The following NAV2 variants were observed in gnomAD, a reference collection of about 807,000 sequenced individuals.
NAV2 encodes helicase, APC down-regulated 1.
Under a neutral mutation model 223.2 loss-of-function variants are expected in NAV2, and 54 were observed. That is an observed-to-expected ratio of 0.24 (90% CI 0.19 to 0.30). The LOEUF is 0.30. Ranked by LOEUF, NAV2 falls within the 10% of genes least tolerant of loss-of-function variation. The pLI is 1.00. For missense variants in NAV2, 2,806 were observed against 3,147.5 expected (o/e 0.89, Z 2.60); for synonymous variants, 1,279 against 1,239.3 (o/e 1.03, Z -0.67).
intron 1 of NAV2, among the ~76,000 whole-genome samples, chr11:19,614,496 C>T (rs1454539151): frequency 1.3e-5 from 2 of 152,068 alleles, no homozygotes; most frequent in African/African-American, 4.8e-5. Context: ...CCATGTAGCC[C>T]CTGGCCCTGC....
In NAV2 at chr11:19,533,371, G is replaced by A. The variant is rs562084117; in HGVS notation, c.75+182344G>A. On this transcript the variant is annotated intron_variant, in intron 1 of 37. Coordinates refer to the NAV2 transcript ENST00000360655. ...ATGACCAAAAATATCTGCAGTCATT[G>A]TGAAATGTTCTTGGGGTCAAAATTA... Among the ~76,000 whole-genome samples the A allele has an allele frequency of 2.0e-5, 3 of 151,966 alleles. No individual in the cohort carries two copies. The East Asian group carries it at 5.8e-4, about 29-fold the overall frequency.
intron 1 of NAV2, among the ~76,000 whole-genome samples, chr11:19,732,119 G>GGCGCGCACTTGTAGTCAGGGA (rs2051833692): frequency 6.6e-6 from 1 of 152,054 alleles, no homozygotes; most frequent in Non-Finnish European, 1.5e-5. Flanking sequence ...CAGGCATGGT[G>GGCGCGCACTTGTAGTCAGGGA]GCGCGCACTT....
At chr11:19,397,421 G>A (rs573302083) in intron 1 of NAV2, among the ~76,000 whole-genome samples, 58 of 148,182 alleles carry the variant, frequency 3.9e-4, no homozygotes, top group Admixed American at 1.3e-3. Context: ...GTGTGTGTGC[G>A]CGCATGTGTG....
At chr11:19,862,427 C>T (rs2061844003) in intron 3 of NAV2, among the ~76,000 whole-genome samples, 1 of 152,188 alleles carries the variant, frequency 6.6e-6, no homozygotes, top group Admixed American at 6.5e-5. Flanking sequence ...AGAGCTTGAG[C>T]CGGCTTGCTG....
At chr11:19,446,477 C>A (rs1314327816) in intron 1 of NAV2, among the ~76,000 whole-genome samples, 1 of 152,174 alleles carries the variant, frequency 6.6e-6, no homozygotes, top group Non-Finnish European at 1.5e-5. Context: ...AAAGTTGACA[C>A]AACTCAAGGT....
At chr11:20,051,745 A>T (rs1470728057) in intron 17 of NAV2, among the ~76,000 whole-genome samples, 1 of 152,224 alleles carries the variant, frequency 6.6e-6, no homozygotes. Context: ...CACAGGAGGC[A>T]AGGAATATTT....
intron 1 of NAV2, among the ~76,000 whole-genome samples, chr11:19,826,925 G>C (rs1265637419): frequency 6.6e-6 from 1 of 152,214 alleles, no homozygotes; most frequent in African/African-American, 2.4e-5. Context: ...CAGCCCCTGT[G>C]ACGCACTACC....
chr11:19,832,396 G>T, intron 1 of NAV2, 88 bp from the exon 2 acceptor site: 2 of 932,808 alleles, frequency 2.1e-6, no homozygotes, highest in Non-Finnish European at 1.7e-6. Context: ...ATGGGACAGT[G>T]GCCACTGTGC....
At chr11:19,935,851 G>GTTTTTTTTTTTTTTTTCTTTTTTTTTTT (rs2045813964) in intron 7 of NAV2, among the ~76,000 whole-genome samples, 1 of 52,704 alleles carries the variant, frequency 1.9e-5, no homozygotes, top group Non-Finnish European at 3.4e-5. Context: ...TTTTGTTTCT[G>GTTTTTTTTTTTTTTTTCTTTTTTTTTTT]TTTTTTTTTT....
chr11:19,646,260 A>G (rs570162101), intron 1 of NAV2, among the ~76,000 whole-genome samples: 11 of 152,198 alleles, frequency 7.2e-5, no homozygotes, highest in Non-Finnish European at 1.3e-4. Context: ...TTATACCAAC[A>G]TGCTTCGTGT....
At chr11:19,894,004 T>A (rs543053951) in intron 6 of NAV2, among the ~76,000 whole-genome samples, 25 of 152,208 alleles carry the variant, frequency 1.6e-4, no homozygotes, top group Non-Finnish European at 2.4e-4. Flanking sequence ...CATCCATAAC[T>A]TTCACAATGC....
chr11:19,547,487 C>T (rs2044540023), intron 1 of NAV2, among the ~76,000 whole-genome samples: 2 of 152,166 alleles, frequency 1.3e-5, no homozygotes, highest in Non-Finnish European at 2.9e-5. Flanking sequence ...TGCTCTTTTC[C>T]ATCCCCCCTT....
chr11:19,661,480 G>A (rs1207797109), intron 1 of NAV2, among the ~76,000 whole-genome samples: 1 of 151,934 alleles, frequency 6.6e-6, no homozygotes, highest in Non-Finnish European at 1.5e-5. Context: ...TGTTTGTACA[G>A]TATTTAAACT....
chr11:19,712,341 G>A (rs1267962800), upstream of NAV2: 1 of 152,336 alleles, frequency 6.6e-6, no homozygotes, highest in African/African-American at 2.4e-5. Flanking sequence ...GAAGCCGTTG[G>A]GAGGCCCCCC....
intron 1 of NAV2, among the ~76,000 whole-genome samples, chr11:19,742,533 G>A (rs957987320): frequency 2.0e-5 from 3 of 152,174 alleles, no homozygotes; most frequent in African/African-American, 4.8e-5. Flanking sequence ...TACCCACTAC[G>A]TGAGGCGCTC....
At chr11:19,857,598 A>G (rs2152997044) in intron 3 of NAV2, among the ~76,000 whole-genome samples, 1 of 152,344 alleles carries the variant, frequency 6.6e-6, no homozygotes, top group Non-Finnish European at 1.5e-5. Context: ...GAAATCTCCA[A>G]CAAGTGTCTG....
At chr11:19,510,228 G>T (rs1427578395) in intron 1 of NAV2, among the ~76,000 whole-genome samples, 5 of 152,194 alleles carry the variant, frequency 3.3e-5, no homozygotes, top group African/African-American at 1.2e-4. Context: ...ATAGCTCTCT[G>T]TTCTAAGCAC....
intron 1 of NAV2, among the ~76,000 whole-genome samples, chr11:19,481,110 A>G (rs1219298178): frequency 6.6e-6 from 1 of 152,172 alleles, no homozygotes; most frequent in Non-Finnish European, 1.5e-5. Context: ...ACTCATGTCC[A>G]CTACTGAATC....
In NAV2 at chr11:19,751,919, A is replaced by G. The variant is rs953825016; in HGVS notation, c.267+37957A>G. Among the ~76,000 whole-genome samples, 11 of 152,192 alleles carry G rather than the reference A, an allele frequency of 7.2e-5. 1 individual carries two copies. In the South Asian group the frequency reaches 1.0e-3, roughly 14 times the overall value. ...CCCAGGTGGTCAACTACTAGCTCAC[A>G]CATTCACCAGTAAAGGCAAAGGGCT... On this transcript the variant is annotated intron_variant, in intron 1 of 37. Coordinates refer to ENST00000349880, the MANE Select transcript of NAV2 (RefSeq NM_145117.5).
Sources: allele counts gnomAD v4.1 joint callset (sites outside exome capture counted in the v4.1 genomes callset), GRCh38; gene constraint gnomAD v4.1.1; transcripts MANE v1.5; gene names NCBI Gene and HGNC (gene_info 2026-07-23, HGNC 2026-07-21).